Variants in HTN3 observed in about 807,000 individuals in gnomAD.
HTN3 encodes histatin 3.
In HTN3, 15 loss-of-function variants were observed where a neutral mutation model predicts 10.6. The ratio of observed to expected loss-of-function variants is 1.42; its 90% CI spans 0.95 to 2.18. The LOEUF (loss-of-function observed/expected upper bound fraction) is 2.18. Ranked by LOEUF, HTN3 falls within the 30% of genes most tolerant of loss-of-function variation. HTN3 has a pLI of 0.00. For missense variants in HTN3, 68 were observed against 58.0 expected (o/e 1.17, Z -0.56); for synonymous variants, 15 against 16.9 (o/e 0.89, Z 0.27).
chr4:70,028,681 C>T (rs1725300247), intron 1 of HTN3, among the ~76,000 whole-genome samples, 165 bp downstream of exon 1: 1 of 152,036 alleles, frequency 6.6e-6, no homozygotes, highest in Non-Finnish European at 1.5e-5. Flanking sequence ...ATCTCAATTC[C>T]TATGAATTAA....
rs1436086402 is a variant in HTN3, at chr4:70,030,753, G to GT, written c.18dup (p.Ala7CysfsTer14). On this transcript the variant is annotated frameshift_variant, in exon 2 of 6. Transcript: ENST00000673563. LOFTEE classifies it high-confidence loss of function. ...GACTCAGCCAACTATGAAGTTTTTT[G>GT]TTTTTGCTTTAATCTTGGCTCTCAT... 6.2e-7 allele frequency: 1 copy of GT among 1,611,992 alleles called. No individual in the cohort carries two copies. The highest frequency in any genetic ancestry group is 1.7e-5 in the Admixed American group (1 of 59,834).
At chr4:70,031,684 A>T (rs1011259647) in intron 2 of HTN3, among the ~76,000 whole-genome samples, 3 of 152,048 alleles carry the variant, frequency 2.0e-5, no homozygotes, top group African/African-American at 7.2e-5. Flanking sequence ...CCAATGTTTC[A>T]TTTTTCAGTT....
intron 2 of HTN3, 45 bp from the exon 3 acceptor site, chr4:70,031,934 T>G (rs1334998213): frequency 3.0e-6 from 4 of 1,318,766 alleles, no homozygotes; most frequent in Non-Finnish European, 4.3e-6. Flanking sequence ...TCTTGAATTA[T>G]GAAATTAAGA....
At chr4:70,035,546 A>C (rs556673496) in intron 5 of HTN3, among the ~76,000 whole-genome samples, 3 of 152,188 alleles carry the variant, frequency 2.0e-5, no homozygotes, top group Admixed American at 6.5e-5. Flanking sequence ...ACTCATGAGA[A>C]ATTTACGTTT....
intron 1 of HTN3, among the ~76,000 whole-genome samples, chr4:70,028,886 T>G (rs1372823334): frequency 2.0e-5 from 3 of 152,084 alleles, no homozygotes; most frequent in African/African-American, 7.2e-5. Context: ...GTCTTGCAAA[T>G]TCATTATTAT....
rs1560426228 is a variant in HTN3, at chr4:70,030,746, GT to G, written c.12del (p.Phe4LeufsTer5). 1.1e-5 allele frequency: 18 copies of G among 1,611,306 alleles called. No homozygotes were observed. Among genetic ancestry groups the G allele is most frequent in the Non-Finnish European group, 1.4e-5 (17 of 1,177,890 alleles). On this transcript the variant is annotated frameshift_variant, in exon 2 of 6. Transcript: ENST00000673563. LOFTEE classifies it high-confidence loss of function. ...TTTATAGGACTCAGCCAACTATGAA[GT>G]TTTTTGTTTTTGCTTTAATCTTGGC... MKFFVFALILALM... is the reference protein window; with the variant it reads MKXFVFALILALM...
At chr4:70,030,563 C>A (rs73826051) in intron 1 of HTN3, among the ~76,000 whole-genome samples, 165 bp from the exon 2 acceptor site, 4,433 of 152,238 alleles carry the variant, frequency 0.029, 225 homozygotes, top group African/African-American at 0.1. Flanking sequence ...ATGGCTTGAG[C>A]CCAGGTGGTC....
chr4:70,032,158 T>G, intron 4 of HTN3, 51 bp downstream of exon 4: 1 of 1,149,408 alleles, frequency 8.7e-7, no homozygotes, highest in East Asian at 2.4e-5. Context: ...CTTCTCTGAC[T>G]ATTTATTCTC....
At chr4:70,034,584 A>T (rs948270552) in intron 5 of HTN3, among the ~76,000 whole-genome samples, 5 of 152,212 alleles carry the variant, frequency 3.3e-5, no homozygotes, top group African/African-American at 1.2e-4. Context: ...GAGAGATAGG[A>T]ACACTTTTTC....
chr4:70,035,024 A>G (rs1267819831), intron 5 of HTN3, among the ~76,000 whole-genome samples: 1 of 152,182 alleles, frequency 6.6e-6, no homozygotes, highest in East Asian at 1.9e-4. Context: ...GGGGAACAAC[A>G]CACACCAGGG....
intron 5 of HTN3, among the ~76,000 whole-genome samples, chr4:70,035,097 A>G (rs78487117): frequency 0.02 from 2,992 of 152,302 alleles, 87 homozygotes; most frequent in African/African-American, 0.068. Flanking sequence ...GCAAACCACC[A>G]TGGCACATGT....
At chr4:70,029,257 C>A (rs942501528) in intron 1 of HTN3, among the ~76,000 whole-genome samples, 2 of 151,908 alleles carry the variant, frequency 1.3e-5, no homozygotes, top group African/African-American at 4.8e-5. Context: ...CAGTCACAAA[C>A]AACGGTAAAA....
chr4:70,032,396 T>C (rs1360327046), intron 4 of HTN3, among the ~76,000 whole-genome samples: 1 of 152,024 alleles, frequency 6.6e-6, no homozygotes, highest in Non-Finnish European at 1.5e-5. Context: ...TAAAGAATAG[T>C]TCCTAATTCT....
intron 4 of HTN3, among the ~76,000 whole-genome samples, chr4:70,032,384 C>T (rs1474433589): frequency 1.3e-5 from 2 of 151,760 alleles, no homozygotes; most frequent in African/African-American, 4.8e-5. Flanking sequence ...ATTACATTGA[C>T]CTAAAGAATA....
At chr4:70,029,825 T>C (rs1725335286) in intron 1 of HTN3, among the ~76,000 whole-genome samples, 1 of 152,164 alleles carries the variant, frequency 6.6e-6, no homozygotes, top group Non-Finnish European at 1.5e-5. Context: ...CAGTTCAACT[T>C]CTCAAAGTAG....
In HTN3 at chr4:70,033,319, T is replaced by TA. The variant is rs571442781; in HGVS notation, c.*33+66_*33+67insA. ...CACTGACAGTTAAAACAAGGAAAAA[T>TA]TAAAAAAAAGCCATTAAGCCAACAA... is the stretch of plus-strand genomic sequence containing the variant. On this transcript the variant is annotated intron_variant, in intron 5 of 5. Coordinates refer to ENST00000673563, the MANE Select transcript of HTN3 (RefSeq NM_000200.3). 2,582 of 731,590 alleles carry TA rather than the reference T, an allele frequency of 3.5e-3. 48 individuals carry two copies. Among genetic ancestry groups the TA allele is most frequent in the African/African-American group, 0.034 (1,792 of 52,854 alleles). The allele number at this position is 731,590 out of a possible 1,614,324, so 45.3% of individuals were successfully genotyped here.
chr4:70,035,844 T>C (rs1294052058), intron 5 of HTN3, among the ~76,000 whole-genome samples: 1 of 152,202 alleles, frequency 6.6e-6, no homozygotes, highest in South Asian at 2.1e-4. Flanking sequence ...GGACATTTTA[T>C]TCATATTGAA....
In HTN3 at chr4:70,032,152, TCTGA is replaced by T. The variant is rs772295668; in HGVS notation, c.102+48_102+51del. 77 of 1,227,046 alleles carry T rather than the reference TCTGA, an allele frequency of 6.3e-5. 1 individual carries two copies. The highest frequency in any genetic ancestry group is 3.5e-4 in the South Asian group (27 of 76,340). The allele number at this position is 1,227,046 out of a possible 1,614,324, so 76.0% of individuals were successfully genotyped here. A position where few individuals can be genotyped will look rare whatever the true frequency, so the allele number is the denominator to read the frequency against. On this transcript the variant is annotated intron_variant, in intron 4 of 5. Transcript: ENST00000673563. ...TGTGCACTCTGAATAAGTTTTCTTC[TCTGA>T]CTATTTATTCTCCTAGAATAATTGA... is the stretch of plus-strand genomic sequence containing the variant.
chr4:70,036,390 G>T lies in HTN3; in HGVS notation c.*157G>T, dbSNP rs922638199. 6.6e-6 allele frequency: 1 copy of T among 152,144 alleles called. No individual in the cohort carries two copies. The highest frequency in any genetic ancestry group is 1.5e-5 in the Non-Finnish European group (1 of 68,014). 9.4% of individuals were successfully genotyped at this position (152,144 alleles called of 1,614,324 possible). Reference sequence around the variant, plus strand: ...AATAAAAGAAATACCATGATTTAGTGAATTCTGTGTTTCAGGATACTTCCC... The same window carrying T: ...AATAAAAGAAATACCATGATTTAGTTAATTCTGTGTTTCAGGATACTTCCC... On this transcript the variant is annotated 3_prime_UTR_variant, in exon 6 of 6. Coordinates refer to ENST00000673563, the MANE Select transcript of HTN3 (RefSeq NM_000200.3).
Sources: gnomAD v4.1 joint callset for allele counts (sites outside exome capture counted in the v4.1 genomes callset) on GRCh38, gnomAD v4.1.1 for gene constraint, MANE v1.5 for transcripts, NCBI Gene and HGNC (gene_info 2026-07-23, HGNC 2026-07-21) for gene names.